DLGAP2: variants seen among roughly 807,000 people sequenced by gnomAD.
DLGAP2 encodes DLG associated protein 2.
In DLGAP2, 26 loss-of-function variants were observed where a neutral mutation model predicts 100.3. The observed-to-expected ratio is 0.26, with a 90% CI of 0.19 to 0.36. The LOEUF (loss-of-function observed/expected upper bound fraction) is 0.36, where lower values mean the gene tolerates loss of function less well. Among genes scored for constraint, DLGAP2 ranks in the 10% least tolerant of loss-of-function variants. DLGAP2 has a pLI of 1.00. For synonymous variants in DLGAP2, 886 were observed against 630.1 expected, an observed-to-expected ratio of 1.41 and a Z score of -6.08; for missense variants, 1,858 against 1,453.2, an observed-to-expected ratio of 1.28 and a Z score of -4.53.
At chr8:794,696 T>A (rs1585870001) in intron 1 of DLGAP2, among the ~76,000 whole-genome samples, 1 of 152,234 alleles carries the variant, frequency 6.6e-6, no homozygotes, top group East Asian at 1.9e-4. Flanking sequence ...TATGAATATG[T>A]TACAGTGCTG....
At chr8:1,629,455 G>A (rs561613303) in intron 7 of DLGAP2, among the ~76,000 whole-genome samples, 87 of 152,252 alleles carry the variant, frequency 5.7e-4, no homozygotes, top group African/African-American at 1.9e-3. Flanking sequence ...AACATCAACT[G>A]ATCCTCCCCA....
intron 8 of DLGAP2, among the ~76,000 whole-genome samples, chr8:1,645,477 G>A (rs1798019750): frequency 6.6e-6 from 1 of 152,196 alleles, no homozygotes; most frequent in Non-Finnish European, 1.5e-5. Flanking sequence ...CACTTACGAT[G>A]TTTTTAGTGT....
intron 1 of DLGAP2, among the ~76,000 whole-genome samples, chr8:892,028 G>A (rs1307267196): frequency 6.6e-6 from 1 of 152,210 alleles, no homozygotes; most frequent in Non-Finnish European, 1.5e-5. Flanking sequence ...CCCTTAGGAT[G>A]GCCACTGTCA....
intron 2 of DLGAP2, chr8:1,105,010 C>T (rs879340673): frequency 6.6e-6 from 1 of 152,164 alleles, no homozygotes; most frequent in Non-Finnish European, 1.5e-5. Context: ...AGCGGCCAGC[C>T]GTGCAGGTGC....
intron 3 of DLGAP2, among the ~76,000 whole-genome samples, chr8:1,390,213 G>C (rs1330033026): frequency 6.6e-6 from 1 of 152,164 alleles, no homozygotes; most frequent in East Asian, 1.9e-4. Context: ...CTCTGCCATA[G>C]TAATCATGTT....
At chr8:761,386 C>A (rs1295346582) in intron 1 of DLGAP2, among the ~76,000 whole-genome samples, 1 of 152,250 alleles carries the variant, frequency 6.6e-6, no homozygotes, top group Non-Finnish European at 1.5e-5. Flanking sequence ...GAGCAGACTG[C>A]AGTTCTATTG....
intron 2 of DLGAP2, among the ~76,000 whole-genome samples, chr8:1,067,835 G>T (rs922053243): frequency 6.6e-6 from 1 of 151,736 alleles, no homozygotes; most frequent in East Asian, 1.9e-4. Flanking sequence ...GGTTCACCTC[G>T]GCTCACTCTT....
chr8:1,475,577 G>T (rs541285695), intron 3 of DLGAP2, among the ~76,000 whole-genome samples: 1 of 152,208 alleles, frequency 6.6e-6, no homozygotes. Flanking sequence ...TTCCATACTG[G>T]GTCAGGTCAC....
intron 6 of DLGAP2, among the ~76,000 whole-genome samples, chr8:1,606,460 C>G (rs1486390399): frequency 3.3e-5 from 5 of 152,142 alleles, no homozygotes; most frequent in Non-Finnish European, 5.9e-5. Flanking sequence ...TTCTCCCTGT[C>G]GTGGCCATGG....
intron 1 of DLGAP2, among the ~76,000 whole-genome samples, chr8:815,551 G>C (rs1417556066): frequency 6.6e-6 from 1 of 152,180 alleles, no homozygotes; most frequent in African/African-American, 2.4e-5. Context: ...TCAATATTCT[G>C]ATGTATCTCT....
At chr8:1,344,167 ACTCGGGGCGCTGTCGTGG>A (rs1801498422) in intron 3 of DLGAP2, among the ~76,000 whole-genome samples, 3 of 150,832 alleles carry the variant, frequency 2.0e-5, no homozygotes, top group Non-Finnish European at 3.0e-5. Context: ...GGGTCTTTGT[ACTCGGGGCGCTGTCGTGG>A]GTCCGTGTAC....
At chr8:1,350,783 C>A (rs1344856592) in intron 3 of DLGAP2, among the ~76,000 whole-genome samples, 2 of 52,194 alleles carry the variant, frequency 3.8e-5, no homozygotes, top group Non-Finnish European at 3.8e-5. Flanking sequence ...CGTGGAAAGG[C>A]CGTGCGGGTC....
chr8:1,030,753 CTAG>C (rs1480120925), intron 2 of DLGAP2, among the ~76,000 whole-genome samples: 1 of 152,166 alleles, frequency 6.6e-6, no homozygotes, highest in Non-Finnish European at 1.5e-5. Flanking sequence ...AGAATGCTTC[CTAG>C]AGACCCAGGT....
At position 883,817 on chromosome 8, in the gene DLGAP2, T is replaced by C. The variant is rs537085402; in HGVS notation, c.19-24095T>C. ...CTCCCTAACTCGCAACAGGCCCTGG[T>C]GTGTGTTGTTCCCCTCTCTGTGTCA... is the stretch of plus-strand genomic sequence containing the variant. On this transcript the variant is annotated intron_variant, in intron 1 of 14. Transcript: ENST00000637795. 5.3e-5 allele frequency among the ~76,000 whole-genome samples: 8 copies of C among 152,286 alleles called. 1 individual carries two copies. The South Asian group carries it at 1.7e-3, about 32-fold the overall frequency.
intron 3 of DLGAP2, among the ~76,000 whole-genome samples, chr8:1,390,367 A>G (rs1291652249): frequency 6.6e-6 from 1 of 151,896 alleles, no homozygotes; most frequent in East Asian, 1.9e-4. Flanking sequence ...TTAAAATAAT[A>G]CTTTTTTTTT....
chr8:766,380 C>A (rs1445286144), intron 1 of DLGAP2, among the ~76,000 whole-genome samples: 2 of 152,226 alleles, frequency 1.3e-5, no homozygotes, highest in Non-Finnish European at 2.9e-5. Flanking sequence ...CACACCTATG[C>A]TGGAGGCCAT....
At chr8:1,542,577 T>G (rs1275706280) in intron 4 of DLGAP2, among the ~76,000 whole-genome samples, 1 of 152,226 alleles carries the variant, frequency 6.6e-6, no homozygotes, top group East Asian at 1.9e-4. Flanking sequence ...TGGGCTTAAT[T>G]GGTTTTAATT....
intron 14 of DLGAP2, 68 bp from the exon 15 acceptor site, chr8:1,701,120 G>A (rs1182796686): frequency 8.3e-6 from 12 of 1,454,208 alleles, no homozygotes; most frequent in African/African-American, 4.3e-5. Context: ...CCCCAGGGCC[G>A]CTGAGCTCGC....
intron 1 of DLGAP2, among the ~76,000 whole-genome samples, chr8:881,889 A>T (rs1433926057): frequency 1.3e-5 from 2 of 152,090 alleles, no homozygotes; most frequent in African/African-American, 4.8e-5. Context: ...TGTCACAGAG[A>T]AAATATAAAT....
Sources: allele counts gnomAD v4.1 joint callset (sites outside exome capture counted in the v4.1 genomes callset), GRCh38; gene constraint gnomAD v4.1.1; transcripts MANE v1.5; gene names NCBI Gene and HGNC (gene_info 2026-07-23, HGNC 2026-07-21).